The following SNX30 variants were observed in gnomAD, a reference collection of about 807,000 sequenced individuals.
SNX30 encodes the protein sorting nexin family member 30.
A neutral mutation model predicts 46.4 loss-of-function variants in SNX30; 24 were observed. That is an observed-to-expected ratio of 0.52 (90% CI 0.37 to 0.73). SNX30 has a LOEUF of 0.73. Ranked by LOEUF, SNX30 falls within the 30% of genes least tolerant of loss-of-function variation. The pLI, the probability that SNX30 is intolerant of heterozygous loss-of-function variation, is 0.00. For missense variants in SNX30, 533 were observed against 555.7 expected (o/e 0.96, Z 0.41); for synonymous variants, 189 against 211.5 (o/e 0.89, Z 0.92).
intron 3 of SNX30, among the ~76,000 whole-genome samples, chr9:112,821,946 T>A (rs1007512157): frequency 2.6e-5 from 4 of 152,058 alleles, no homozygotes; most frequent in African/African-American, 4.8e-5. Context: ...CTGGCTGGTT[T>A]TTAATTTTTT....
At chr9:112,868,608 AAAAC>A (rs1841398209) in intron 8 of SNX30, among the ~76,000 whole-genome samples, 172 bp from the exon 9 acceptor site, 1 of 152,240 alleles carries the variant, frequency 6.6e-6, no homozygotes, top group African/African-American at 2.4e-5. Context: ...TGACGCATTC[AAAAC>A]AAACACCTGT....
At chr9:112,879,671 G>T, downstream of SNX30, 3 of 1,229,206 alleles carry the variant, frequency 2.4e-6, no homozygotes, top group East Asian at 7.1e-5. Flanking sequence ...TAAGCAGTGG[G>T]TTGCTTAGGT....
chr9:112,751,487 A>G (rs1217113328), intron 1 of SNX30, among the ~76,000 whole-genome samples: 1 of 152,192 alleles, frequency 6.6e-6, no homozygotes, highest in Non-Finnish European at 1.5e-5. Flanking sequence ...GAGTTCCTCC[A>G]GGTGCATCCC....
intron 1 of SNX30, among the ~76,000 whole-genome samples, chr9:112,764,328 G>A (rs1839496181): frequency 6.6e-6 from 1 of 152,150 alleles, no homozygotes; most frequent in Admixed American, 6.5e-5. Flanking sequence ...CAAATAGTAA[G>A]GACTTTAACC....
At chr9:112,761,408 C>A (rs1162238763) in intron 1 of SNX30, among the ~76,000 whole-genome samples, 1 of 152,150 alleles carries the variant, frequency 6.6e-6, no homozygotes, top group African/African-American at 2.4e-5. Context: ...GGTGATCCAC[C>A]CTCCTTGGCC....
chr9:112,817,401 C>CTGTTTTTTTTTTTTTTTT (rs1840414391), intron 2 of SNX30, among the ~76,000 whole-genome samples: 1 of 46,832 alleles, frequency 2.1e-5, no homozygotes, highest in African/African-American at 9.7e-5. Context: ...AAAAAACTGG[C>CTGTTTTTTTTTTTTTTTT]TTTTTTTTTT....
At chr9:112,775,579 T>C (rs1353292917) in intron 1 of SNX30, among the ~76,000 whole-genome samples, 1 of 148,702 alleles carries the variant, frequency 6.7e-6, no homozygotes, top group African/African-American at 2.5e-5. Flanking sequence ...TGTGTGTGTG[T>C]GTGTGTGTAG....
At chr9:112,807,048 CTATCTTTTTTTTTTTTTTT>C (rs1375807857) in intron 2 of SNX30, among the ~76,000 whole-genome samples, 2 of 94,790 alleles carry the variant, frequency 2.1e-5, no homozygotes, top group Non-Finnish European at 4.3e-5. Flanking sequence ...CTTTTCTTTT[CTATCTTTTTTTTTTTTTTT>C]TTTTTTTTTT....
chr9:112,837,382 A>C lies in SNX30; in HGVS notation c.814+973A>C, dbSNP rs1235360354. Among the ~76,000 whole-genome samples, 4 of 152,212 alleles carry C rather than the reference A, an allele frequency of 2.6e-5. No homozygotes were observed. In the South Asian group the frequency reaches 8.3e-4, roughly 32 times the overall value. ...GAGGTGGCCACCGAGTGATAGAGTG[A>C]GTCTGCCAGTGTAAGACCACATCTC... On this transcript the variant is annotated intron_variant, in intron 5 of 8. Coordinates refer to ENST00000374232, the MANE Select transcript of SNX30 (RefSeq NM_001012994.2).
intron 1 of SNX30, among the ~76,000 whole-genome samples, chr9:112,765,918 C>T (rs903833379): frequency 2.0e-5 from 3 of 152,098 alleles, no homozygotes; most frequent in African/African-American, 7.2e-5. Context: ...ATTCTCCTGC[C>T]TCAGCCTCCC....
chr9:112,826,487 T>C (rs1402207790), intron 3 of SNX30, among the ~76,000 whole-genome samples: 2 of 152,172 alleles, frequency 1.3e-5, no homozygotes, highest in Admixed American at 6.5e-5. Flanking sequence ...CATATTTTTA[T>C]AGATTCTGGG....
At chr9:112,750,642 C>G (rs1033787479), upstream of SNX30, among the ~76,000 whole-genome samples, 4 of 151,930 alleles carry the variant, frequency 2.6e-5, no homozygotes, top group African/African-American at 9.7e-5. Flanking sequence ...CTCCCTCCCT[C>G]CGTCCTTCCT....
chr9:112,757,294 G>T (rs889828407), intron 1 of SNX30, among the ~76,000 whole-genome samples: 13 of 152,062 alleles, frequency 8.5e-5, no homozygotes, highest in African/African-American at 3.1e-4. Context: ...TTTCCTTCAG[G>T]CTCATTCACG....
intron 1 of SNX30, among the ~76,000 whole-genome samples, chr9:112,779,079 G>T (rs1225201195): frequency 1.3e-5 from 2 of 152,274 alleles, no homozygotes; most frequent in African/African-American, 4.8e-5. Context: ...CTGATGGTCT[G>T]AGGATTGGCA....
intron 6 of SNX30, among the ~76,000 whole-genome samples, chr9:112,840,056 G>A (rs186343991): frequency 7.2e-5 from 11 of 152,350 alleles, no homozygotes; most frequent in Admixed American, 5.2e-4. Flanking sequence ...GGGTTGATAC[G>A]TACTAAACTG....
In SNX30 at chr9:112,870,246, C is replaced by T. The variant is rs574367598; in HGVS notation, c.*1403C>T. 1.3e-4 allele frequency: 20 copies of T among 152,176 alleles called. No homozygotes were observed. Among genetic ancestry groups the T allele is most frequent in the African/African-American group, 3.9e-4 (16 of 41,512 alleles). The allele number at this position is 152,176 out of a possible 1,614,324, so 9.4% of individuals were successfully genotyped here. On this transcript the variant is annotated 3_prime_UTR_variant, in exon 9 of 9. Transcript: ENST00000374232. ...TCTGTGGCTCATCCCTGTAAAACTA[C>T]GAATCTGAGCCTCAAATAAGCAGTA...
chr9:112,876,261 T>C (rs1184058281), downstream of SNX30, among the ~76,000 whole-genome samples: 1 of 152,058 alleles, frequency 6.6e-6, no homozygotes, highest in African/African-American at 2.4e-5. Flanking sequence ...CGGAGATGAC[T>C]GGAAGATTGC....
intron 2 of SNX30, among the ~76,000 whole-genome samples, chr9:112,813,862 T>G (rs189240527): frequency 1.6e-3 from 248 of 152,352 alleles, no homozygotes; most frequent in African/African-American, 5.6e-3. Context: ...CATTAATAGT[T>G]TTTAATTATT....
At chr9:112,757,944 G>A (rs763420383) in intron 1 of SNX30, among the ~76,000 whole-genome samples, 99 of 152,096 alleles carry the variant, frequency 6.5e-4, no homozygotes, top group Non-Finnish European at 1.1e-3. Context: ...GGGCTTCAGT[G>A]GTCCTGGACA....
Sources: allele counts gnomAD v4.1 joint callset (sites outside exome capture counted in the v4.1 genomes callset), GRCh38; gene constraint gnomAD v4.1.1; transcripts MANE v1.5; gene names NCBI Gene and HGNC (gene_info 2026-07-23, HGNC 2026-07-21).